SPOCK1: variants seen among roughly 807,000 people sequenced by gnomAD.
SPOCK1 encodes SPARC (osteonectin), cwcv and kazal like domains proteoglycan 1, also known as testican-1.
SPOCK1 carries 23 observed loss-of-function variants against 55.3 expected under a neutral mutation model. That is an observed-to-expected ratio of 0.42 (90% CI 0.30 to 0.59). The LOEUF (loss-of-function observed/expected upper bound fraction) is 0.59. SPOCK1 is among the 20% of genes least tolerant of loss of function. SPOCK1 has a pLI of 0.22. For missense variants in SPOCK1, 499 were observed against 552.5 expected, an observed-to-expected ratio of 0.90 and a Z score of 0.97; for synonymous variants, 226 against 221.0, an observed-to-expected ratio of 1.02 and a Z score of -0.20.
At chr5:137,266,926 G>T in intron 3 of SPOCK1, 84 bp downstream of exon 3, 1 of 1,228,096 alleles carries the variant, frequency 8.1e-7, no homozygotes, top group Non-Finnish European at 1.2e-6. Flanking sequence ...GGCCCTTGTG[G>T]GAACATTAAC....
chr5:137,178,546 G>A (rs748349977), intron 3 of SPOCK1, among the ~76,000 whole-genome samples: 2 of 152,210 alleles, frequency 1.3e-5, no homozygotes, highest in Non-Finnish European at 2.9e-5. Context: ...CATTTCACAT[G>A]ACTGAATACC....
At chr5:137,435,702 C>G (rs773733215) in intron 2 of SPOCK1, among the ~76,000 whole-genome samples, 12 of 152,032 alleles carry the variant, frequency 7.9e-5, no homozygotes, top group Non-Finnish European at 1.2e-4. Flanking sequence ...CTGTTAATTG[C>G]CATCTTACTG....
chr5:137,223,063 T>C (rs1326590201), intron 3 of SPOCK1, among the ~76,000 whole-genome samples: 2 of 152,094 alleles, frequency 1.3e-5, no homozygotes, highest in Admixed American at 6.6e-5. Flanking sequence ...ACGGAGCTAA[T>C]AGTCTACCAG....
intron 6 of SPOCK1, among the ~76,000 whole-genome samples, chr5:137,024,305 C>A: frequency 1.7e-5 from 1 of 58,164 alleles, no homozygotes; most frequent in Non-Finnish European, 3.8e-5. Context: ...CTAAATTGCA[C>A]CAGTTTGAAG....
At chr5:137,081,563 G>T (rs1051136776) in intron 5 of SPOCK1, among the ~76,000 whole-genome samples, 1 of 152,160 alleles carries the variant, frequency 6.6e-6, no homozygotes, top group Non-Finnish European at 1.5e-5. Flanking sequence ...CCTATCACTT[G>T]CTCTAGAAAA....
chr5:137,182,038 C>A (rs532668186), intron 3 of SPOCK1, among the ~76,000 whole-genome samples: 1 of 152,280 alleles, frequency 6.6e-6, no homozygotes, highest in Non-Finnish European at 1.5e-5. Context: ...AGGAGCAGAT[C>A]CCCAGGTTGA....
At chr5:136,987,301 C>T (rs1580694888) in intron 8 of SPOCK1, among the ~76,000 whole-genome samples, 1 of 152,152 alleles carries the variant, frequency 6.6e-6, no homozygotes, top group East Asian at 1.9e-4. Context: ...TTTACAATAC[C>T]TATGACCAGA....
intron 2 of SPOCK1, among the ~76,000 whole-genome samples, chr5:137,338,039 ATACTTT>A (rs1322656315): frequency 1.3e-5 from 2 of 152,030 alleles, no homozygotes; most frequent in Non-Finnish European, 2.9e-5. Flanking sequence ...TATTATTATT[ATACTTT>A]AAGTTTTAGG....
In SPOCK1 at chr5:137,044,733, G is replaced by A. The variant is rs1261841316; in HGVS notation, c.589+22982C>T. On this transcript the variant is annotated intron_variant, in intron 6 of 10. Coordinates refer to ENST00000394945, the MANE Select transcript of SPOCK1 (RefSeq NM_004598.4). ...ATGTATACATGTGCCATGCTGGTGC[G>A]CTGCGCCCACTAACTCGTCATCTAG... is the stretch of plus-strand genomic sequence containing the variant. Among the ~76,000 whole-genome samples, 103 of 150,930 alleles carry A rather than the reference G, an allele frequency of 6.8e-4. 1 individual carries two copies. Among genetic ancestry groups the A allele is most frequent in the African/African-American group, 1.9e-3 (76 of 41,036 alleles).
chr5:137,131,926 C>T (rs1344209441), intron 4 of SPOCK1, among the ~76,000 whole-genome samples: 59 of 96,084 alleles, frequency 6.1e-4, no homozygotes, highest in Non-Finnish European at 1.1e-3. Flanking sequence ...GAGCCGAGAT[C>T]GCGCCACTGC....
At chr5:137,152,189 T>C (rs1754329869) in intron 3 of SPOCK1, among the ~76,000 whole-genome samples, 1 of 152,216 alleles carries the variant, frequency 6.6e-6, no homozygotes, top group Non-Finnish European at 1.5e-5. Context: ...AAGTCTTATG[T>C]ATTCTTGCTG....
At chr5:137,454,136 G>A (rs1324845653) in intron 2 of SPOCK1, among the ~76,000 whole-genome samples, 1 of 152,134 alleles carries the variant, frequency 6.6e-6, no homozygotes, top group Non-Finnish European at 1.5e-5. Flanking sequence ...ATCTCTACAG[G>A]ATAAAATAGA....
Position 137,067,256 on chromosome 5 carries a change from T to C in SPOCK1, c.589+459A>G, listed in dbSNP as rs532808355. Among the ~76,000 whole-genome samples the C allele has an allele frequency of 3.9e-5, 6 of 152,316 alleles. No homozygotes were observed. The East Asian group carries it at 9.7e-4, about 25-fold the overall frequency. On this transcript the variant is annotated intron_variant, in intron 6 of 10. Transcript: ENST00000394945. The stretch of plus-strand genomic sequence containing the variant: ...TTCTCTTTCATCTGTCCCCTGGCTC[T>C]GTGCTGCCTTACAAGCAGAATATAT...
chr5:137,004,327 T>C (rs1199542529), intron 6 of SPOCK1, among the ~76,000 whole-genome samples: 1 of 152,118 alleles, frequency 6.6e-6, no homozygotes, highest in East Asian at 1.9e-4. Flanking sequence ...CCTGAAACCA[T>C]AAAGGTGTTT....
chr5:137,499,254 C>T lies in SPOCK1; in HGVS notation c.-76G>A, dbSNP rs1173482882. The T allele has an allele frequency of 1.3e-5, 2 of 151,996 alleles. No homozygotes were observed. Among genetic ancestry groups the T allele is most frequent in the African/African-American group, 4.8e-5 (2 of 41,408 alleles). The allele number at this position is 151,996 out of a possible 1,614,324, so 9.4% of individuals were successfully genotyped here. On this transcript the variant is annotated 5_prime_UTR_variant, in exon 1 of 11. Coordinates refer to ENST00000394945, the MANE Select transcript of SPOCK1 (RefSeq NM_004598.4). ...CACGGTCGCCGGGAAGGCTGATCGC[C>T]GGCTCGCGCCCCTGCGCTCCTGCCA...
At chr5:137,076,607 TAAA>T (rs35285273) in intron 5 of SPOCK1, among the ~76,000 whole-genome samples, 1,176 of 112,610 alleles carry the variant, frequency 0.01, 7 homozygotes, top group Non-Finnish European at 0.017. Context: ...GGACTGAAAG[TAAA>T]AAAAAAAAAA....
chr5:137,486,328 A>G (rs1205376432), intron 2 of SPOCK1, among the ~76,000 whole-genome samples: 1 of 152,242 alleles, frequency 6.6e-6, no homozygotes. Flanking sequence ...CTGGATCACA[A>G]GAAGGACAAT....
In SPOCK1 at chr5:137,344,445, T is replaced by C. The variant is rs547797088; in HGVS notation, c.187-77390A>G. ...CCTGTGGCACTTGCTGTCATTGAAG[T>C]GGGCTAGATGTTCACAGCACACCTC... On this transcript the variant is annotated intron_variant, in intron 2 of 10. Coordinates refer to ENST00000394945, the MANE Select transcript of SPOCK1 (RefSeq NM_004598.4). 9.2e-5 allele frequency among the ~76,000 whole-genome samples: 14 copies of C among 152,354 alleles called. 1 individual carries two copies. Among genetic ancestry groups the C allele is most frequent in the African/African-American group, 2.9e-4 (12 of 41,580 alleles).
intron 2 of SPOCK1, among the ~76,000 whole-genome samples, chr5:137,421,141 A>T (rs192897325): frequency 0.013 from 1,932 of 152,284 alleles, 49 homozygotes; most frequent in African/African-American, 0.045. Context: ...TTCTAGTTTG[A>T]TTGCACTGTG....
Sources: allele counts gnomAD v4.1 joint callset (sites outside exome capture counted in the v4.1 genomes callset), GRCh38; gene constraint gnomAD v4.1.1; transcripts MANE v1.5; gene names NCBI Gene and HGNC (gene_info 2026-07-23, HGNC 2026-07-21).